MLLT1: variants seen among roughly 807,000 people sequenced by gnomAD.
The protein encoded by MLLT1 is MLLT1 super elongation complex subunit.
A neutral mutation model predicts 55.1 loss-of-function variants in MLLT1; 11 were observed. The ratio of observed to expected loss-of-function variants is 0.20; its 90% confidence interval spans 0.13 to 0.33. The LOEUF (loss-of-function observed/expected upper bound fraction) is 0.33. Ranked by LOEUF, MLLT1 falls within the 10% of genes least tolerant of loss-of-function variation. The pLI is 1.00. For synonymous variants in MLLT1, 323 were observed against 320.1 expected (o/e 1.01, Z -0.10); for missense variants, 536 against 760.6 (o/e 0.70, Z 3.47).
Position 6,212,833 on chromosome 19 carries a change from G to T in MLLT1, c.*209C>A. 1.1e-6 allele frequency: 1 copy of T among 914,026 alleles called. No individual in the cohort carries two copies. The highest frequency in any genetic ancestry group is 1.5e-6 in the Non-Finnish European group (1 of 651,180). The allele number at this position is 914,026 out of a possible 1,614,324, so 56.6% of individuals were successfully genotyped here. The stretch of plus-strand genomic sequence containing the variant: ...AGAGAGCCCGGGGGGCGGCTCCCGT[G>T]TGGCCCAGCCCGGCCCCAGGGCTCC... On this transcript the variant is annotated 3_prime_UTR_variant, in exon 12 of 12. Coordinates refer to ENST00000252674, the MANE Select transcript of MLLT1 (RefSeq NM_005934.4).
intron 1 of MLLT1, among the ~76,000 whole-genome samples, chr19:6,276,152 C>G (rs2091427041): frequency 6.6e-6 from 1 of 152,208 alleles, no homozygotes; most frequent in Admixed American, 6.5e-5. Flanking sequence ...TCCCTGCCCT[C>G]AACTGCTTCA....
chr19:6,276,122 A>G (rs2091426926), intron 1 of MLLT1, among the ~76,000 whole-genome samples: 1 of 152,190 alleles, frequency 6.6e-6, no homozygotes, highest in Admixed American at 6.5e-5. Flanking sequence ...CAACGGGCAT[A>G]AAGGGAAATG....
Position 6,219,608 on chromosome 19 carries a change from C to A in MLLT1, c.1111-1567G>T, listed in dbSNP as rs1398021424. Among the ~76,000 whole-genome samples, 1 of 152,222 alleles carries A rather than the reference C, an allele frequency of 6.6e-6. No homozygotes were observed. Among genetic ancestry groups the A allele is most frequent in the Non-Finnish European group, 1.5e-5 (1 of 68,038 alleles). ...AGCTGCCTGCACACCGAGGCCAAGG[C>A]TAGTCCTCCCTTGACCTCCGGATGG... On this transcript the variant is annotated intron_variant, in intron 6 of 11. Transcript: ENST00000252674. The surrounding 1 kb of genome is among the most constrained non-coding windows in gnomAD (Gnocchi z 4.5).
intron 3 of MLLT1, among the ~76,000 whole-genome samples, chr19:6,250,628 C>G (rs570601620): frequency 3.3e-5 from 5 of 152,298 alleles, no homozygotes; most frequent in African/African-American, 1.2e-4. Context: ...ATTCAACGGC[C>G]CCTGGCAGAT....
chr19:6,231,871 C>T lies in MLLT1; in HGVS notation c.277-1158G>A, dbSNP rs1355882565. Among the ~76,000 whole-genome samples the T allele has an allele frequency of 6.6e-6, 1 of 152,110 alleles. No individual in the cohort carries two copies. Among genetic ancestry groups the T allele is most frequent in the Admixed American group, 6.5e-5 (1 of 15,286 alleles). On this transcript the variant is annotated intron_variant, in intron 3 of 11. Coordinates refer to ENST00000252674, the MANE Select transcript of MLLT1 (RefSeq NM_005934.4). This position sits in a 1 kb window ranked among gnomAD's most constrained non-coding sequence, Gnocchi z 5.1. ...TCCCAAATGATGTAAGCCACAGGTC[C>T]CAGGGGAGTGTGGGAAAACCGCACT...
chr19:6,251,741 A>G (rs1393079105), intron 3 of MLLT1, among the ~76,000 whole-genome samples: 1 of 151,478 alleles, frequency 6.6e-6, no homozygotes, highest in Non-Finnish European at 1.5e-5. Flanking sequence ...CCTGAGCAAC[A>G]TGACAAAACC....
intron 5 of MLLT1, among the ~76,000 whole-genome samples, chr19:6,223,737 A>G (rs1228535311): frequency 6.6e-6 from 1 of 151,992 alleles, no homozygotes; most frequent in Non-Finnish European, 1.5e-5. Context: ...CGATAGGCAC[A>G]CTGCCAGCAC....
At chr19:6,257,691 C>G (rs1006572523) in intron 3 of MLLT1, among the ~76,000 whole-genome samples, 1 of 151,958 alleles carries the variant, frequency 6.6e-6, no homozygotes, top group Non-Finnish European at 1.5e-5. Flanking sequence ...ATTCCAGCTA[C>G]TCGGGAGGCT....
Position 6,248,896 on chromosome 19 carries a change from C to T in MLLT1, c.276+13332G>A, listed in dbSNP as rs547219265. Among the ~76,000 whole-genome samples the T allele has an allele frequency of 5.3e-5, 8 of 152,266 alleles. No individual in the cohort carries two copies. The East Asian group carries it at 1.5e-3, about 29-fold the overall frequency. Reference sequence around the variant, plus strand: ...GGAATTCTCTGTACTATCTTTGCAGCTCTTCTGTGTCTAAAATTATTTCCA... The same window carrying T: ...GGAATTCTCTGTACTATCTTTGCAGTTCTTCTGTGTCTAAAATTATTTCCA... On this transcript the variant is annotated intron_variant, in intron 3 of 11. Transcript: ENST00000252674.
intron 3 of MLLT1, among the ~76,000 whole-genome samples, chr19:6,248,719 G>T (rs1379513826): frequency 6.6e-6 from 1 of 152,164 alleles, no homozygotes; most frequent in Non-Finnish European, 1.5e-5. Flanking sequence ...AACAGAAAAA[G>T]AACATGAATT....
At chr19:6,250,613 C>T (rs1286105984) in intron 3 of MLLT1, among the ~76,000 whole-genome samples, 2 of 152,220 alleles carry the variant, frequency 1.3e-5, no homozygotes, top group African/African-American at 4.8e-5. Flanking sequence ...ACTGCATTCA[C>T]GTGGATTCAA....
intron 7 of MLLT1, 136 bp downstream of exon 7, chr19:6,217,818 G>T: frequency 7.8e-7 from 1 of 1,275,442 alleles, no homozygotes; most frequent in Non-Finnish European, 1.0e-6. Flanking sequence ...ACTCCCCCAG[G>T]CCACCAAAAC....
At chr19:6,224,467 C>A (rs2090934340) in intron 5 of MLLT1, among the ~76,000 whole-genome samples, 1 of 152,234 alleles carries the variant, frequency 6.6e-6, no homozygotes, top group African/African-American at 2.4e-5. Context: ...CCACCCTGGC[C>A]TCTTCCAGCA....
intron 2 of MLLT1, among the ~76,000 whole-genome samples, chr19:6,266,147 C>T (rs907539066): frequency 2.7e-5 from 4 of 150,598 alleles, no homozygotes; most frequent in African/African-American, 4.9e-5. Context: ...GGTATGGTGG[C>T]GGGCCAGTAG....
chr19:6,274,930 A>G (rs576375805), intron 1 of MLLT1, among the ~76,000 whole-genome samples: 1 of 152,350 alleles, frequency 6.6e-6, no homozygotes, highest in South Asian at 2.1e-4. Flanking sequence ...AAAGGGCCAA[A>G]ATCCCAAATC....
rs561770273 is a variant in MLLT1, at chr19:6,214,198, T to C, written c.1308-160A>G. Among the ~76,000 whole-genome samples the C allele has an allele frequency of 7.4e-5, 11 of 149,114 alleles. 1 individual carries two copies. In the South Asian group the frequency reaches 2.3e-3, roughly 32 times the overall value. ...CGCAGGAACCTCAACTTAAAAATAC[T>C]GTGTGTGGCCACCAAGAGGAAAGAA... On this transcript the variant is annotated intron_variant, in intron 8 of 11. Coordinates refer to ENST00000252674, the MANE Select transcript of MLLT1 (RefSeq NM_005934.4).
intron 3 of MLLT1, among the ~76,000 whole-genome samples, chr19:6,258,329 T>A (rs2091275832): frequency 6.6e-6 from 1 of 151,890 alleles, no homozygotes; most frequent in Non-Finnish European, 1.5e-5. Context: ...TGAATTTACC[T>A]CCTCACTGAA....
rs747084435 is a variant in MLLT1, at chr19:6,210,839, C to T, written c.*2203G>A. The stretch of plus-strand genomic sequence containing the variant: ...CCTTGGGAGCCCATGCTGCCCAGCA[C>T]GTCCATCAGGTGGTCACGGAGCCAG... On this transcript the variant is annotated 3_prime_UTR_variant, in exon 12 of 12. Transcript: ENST00000252674. This position sits in a 1 kb window ranked among gnomAD's most constrained non-coding sequence, Gnocchi z 4.6. 41 of 229,904 alleles carry T rather than the reference C, an allele frequency of 1.8e-4. No individual in the cohort carries two copies. The highest frequency in any genetic ancestry group is 3.3e-4 in the Non-Finnish European group (38 of 116,020). The allele number at this position is 229,904 out of a possible 1,614,324, so 14.2% of individuals were successfully genotyped here. A position where few individuals can be genotyped will look rare whatever the true frequency, so the allele number is the denominator to read the frequency against.
chr19:6,245,192 A>G (rs924237288), intron 3 of MLLT1, among the ~76,000 whole-genome samples: 2 of 151,638 alleles, frequency 1.3e-5, no homozygotes, highest in Non-Finnish European at 2.9e-5. Flanking sequence ...AATTTTTTTA[A>G]ATCTTTTCTT....
Sources: allele counts gnomAD v4.1 joint callset (sites outside exome capture counted in the v4.1 genomes callset), GRCh38; gene constraint gnomAD v4.1.1; non-coding constraint Gnocchi (gnomAD v3.1); transcripts MANE v1.5; gene names NCBI Gene and HGNC (gene_info 2026-07-23, HGNC 2026-07-21).